Variants in ZSCAN25 observed in about 807,000 individuals in gnomAD.
ZSCAN25 encodes the protein zinc finger and SCAN domain-containing protein 25.
Under a neutral mutation model 38.7 loss-of-function variants are expected in ZSCAN25, and 27 were observed. That is an observed-to-expected ratio of 0.70 (90% CI 0.51 to 0.96). ZSCAN25 has a LOEUF of 0.96. Among genes scored for constraint, ZSCAN25 ranks in the 40% least tolerant of loss-of-function variants. The probability of loss-of-function intolerance (pLI) is 0.00; values close to 1 mark genes in which losing one functional copy is unlikely to be tolerated. For missense variants in ZSCAN25, 637 were observed against 705.9 expected (o/e 0.90, Z 1.11); for synonymous variants, 273 against 277.7 (o/e 0.98, Z 0.17).
At chr7:99,706,295 T>G in the ZSCAN25 span, among the ~76,000 whole-genome samples, 15 of 152,166 alleles carry the variant, frequency 9.9e-5, no homozygotes, top group Admixed American at 2.6e-4. Flanking sequence ...AAAATTGCCA[T>G]GGAGATCCAG....
chr7:99,649,914 G>A, the ZSCAN25 span, among the ~76,000 whole-genome samples: 5 of 152,172 alleles, frequency 3.3e-5, no homozygotes, highest in Middle Eastern at 3.2e-3. Context: ...AGGTTTTGAA[G>A]TCCAGAACTG....
At chr7:99,708,059 A>T in the ZSCAN25 span, 15 of 1,583,058 alleles carry the variant, frequency 9.5e-6, no homozygotes, top group South Asian at 1.7e-4. Context: ...CTTAGGGCCC[A>T]CCCCTCTACT....
At chr7:99,660,723 A>T in the ZSCAN25 span, 8 of 1,554,070 alleles carry the variant, frequency 5.1e-6, no homozygotes, top group African/African-American at 1.4e-5. Context: ...AGCTTAGATG[A>T]AATCTAAGTG....
the ZSCAN25 span, chr7:99,707,828 G>A: frequency 6.2e-7 from 1 of 1,613,848 alleles, no homozygotes; most frequent in South Asian, 1.1e-5. Context: ...TTCTTTACAA[G>A]GTTTGAAGGA....
chr7:99,652,670 T>G, the ZSCAN25 span: 3 of 1,614,156 alleles, frequency 1.9e-6, no homozygotes, highest in Non-Finnish European at 2.5e-6. Context: ...TTCAACATCT[T>G]TCTTGCAAGT....
At chr7:99,693,729 G>GT in the ZSCAN25 span, among the ~76,000 whole-genome samples, 2 of 152,224 alleles carry the variant, frequency 1.3e-5, no homozygotes, top group African/African-American at 4.8e-5. Context: ...GCACGGGAGG[G>GT]TATCTCCTGG....
chr7:99,699,350 A>T, the ZSCAN25 span, among the ~76,000 whole-genome samples: 6 of 152,058 alleles, frequency 3.9e-5, no homozygotes, highest in Admixed American at 6.5e-5. Flanking sequence ...GAGTCATAGG[A>T]GGGAGGGGAT....
At chr7:99,627,093 C>G (rs946153488) in intron 7 of ZSCAN25, among the ~76,000 whole-genome samples, 1 of 152,208 alleles carries the variant, frequency 6.6e-6, no homozygotes, top group Non-Finnish European at 1.5e-5. Flanking sequence ...TATCTACATT[C>G]ACCAATTGTT....
chr7:99,702,881 T>G, the ZSCAN25 span, among the ~76,000 whole-genome samples: 68 of 152,344 alleles, frequency 4.5e-4, no homozygotes, highest in African/African-American at 1.5e-3. Context: ...TATGTAAACA[T>G]GGAATATCCT....
In ZSCAN25 at chr7:99,624,129, A is replaced by T; in HGVS notation, c.754A>T (p.Ile252Leu). 1.2e-6 allele frequency: 2 copies of T among 1,614,080 alleles called. No homozygotes were observed. The highest frequency in any genetic ancestry group is 1.7e-6 in the Non-Finnish European group (2 of 1,180,012). Reference sequence around the variant, plus strand: ...GTGGAGGCATGTGACCCCAGCCCAGATAGACTGCTTTGGGGAGTATGTGGA... The same window carrying T: ...GTGGAGGCATGTGACCCCAGCCCAGTTAGACTGCTTTGGGGAGTATGTGGA... The part of the protein sequence containing the change: ...EEWRHVTPAQ[I>L]DCFGEYVEPQ... Residue 252 changes from isoleucine (I) to leucine (L), a missense_variant, in exon 7 of 8, where the codon ATA (isoleucine) becomes TTA (leucine). Transcript: ENST00000394152.
At chr7:99,657,130 G>C in the ZSCAN25 span, among the ~76,000 whole-genome samples, 1 of 152,042 alleles carries the variant, frequency 6.6e-6, no homozygotes, top group African/African-American at 2.4e-5. Context: ...GCTATCTTTT[G>C]AATGTGTTTG....
At chr7:99,683,886 A>C in the ZSCAN25 span, among the ~76,000 whole-genome samples, 713 of 152,252 alleles carry the variant, frequency 4.7e-3, 4 homozygotes, top group African/African-American at 0.016. Flanking sequence ...CTTTAGGATA[A>C]GTTACTCAGG....
Position 99,624,079 on chromosome 7 carries a change from T to G in ZSCAN25, c.704T>G (p.Met235Arg), listed in dbSNP as rs139037011. The G allele has an allele frequency of 6.7e-5, 108 of 1,614,056 alleles. No homozygotes were observed. The highest frequency in any genetic ancestry group is 8.6e-5 in the Non-Finnish European group (101 of 1,180,046). The change falls in exon 7 of 8, where the codon ATG (methionine) becomes AGG (arginine). Residue 235 changes from methionine to arginine, a missense_variant. Coordinates refer to ENST00000394152, the MANE Select transcript of ZSCAN25 (RefSeq NM_145115.3). ...GSQGLGPFKDMALAFPEEEWR... is the reference protein window; with the variant it reads ...GSQGLGPFKDRALAFPEEEWR... ...CAGGGGTTGGGGCCATTTAAAGATA[T>G]GGCCCTGGCCTTCCCTGAGGAGGAG...
the ZSCAN25 span, among the ~76,000 whole-genome samples, chr7:99,708,851 G>A: frequency 6.6e-6 from 1 of 152,174 alleles, no homozygotes; most frequent in East Asian, 1.9e-4. Context: ...ACTGGCTATA[G>A]TTTTCTTTTA....
At chr7:99,685,220 G>A in the ZSCAN25 span, 21 of 1,613,538 alleles carry the variant, frequency 1.3e-5, no homozygotes, top group Middle Eastern at 1.7e-4. Context: ...CCTCCTAAGC[G>A]TAATTTCAGC....
the ZSCAN25 span, among the ~76,000 whole-genome samples, chr7:99,722,786 G>A: frequency 3.3e-5 from 5 of 152,128 alleles, no homozygotes; most frequent in African/African-American, 1.2e-4. Context: ...TTTATTTCAT[G>A]AGCTCACTCT....
downstream of ZSCAN25, among the ~76,000 whole-genome samples, chr7:99,633,282 CATT>C (rs1808131161): frequency 6.6e-6 from 1 of 152,178 alleles, no homozygotes; most frequent in Admixed American, 6.5e-5. Flanking sequence ...GGCAAGAACA[CATT>C]ATAGATTGTG....
the ZSCAN25 span, among the ~76,000 whole-genome samples, chr7:99,723,171 C>T: frequency 3.3e-5 from 5 of 152,272 alleles, no homozygotes; most frequent in African/African-American, 1.2e-4. Flanking sequence ...TAGCCCAAGC[C>T]TGCATGGGTA....
intron 6 of ZSCAN25, among the ~76,000 whole-genome samples, chr7:99,623,206 G>T (rs1490060979): frequency 1.3e-5 from 2 of 152,158 alleles, no homozygotes; most frequent in African/African-American, 4.8e-5. Flanking sequence ...CCGTTTATGG[G>T]TACTTCTGCT....
Sources: gnomAD v4.1 joint callset for allele counts (sites outside exome capture counted in the v4.1 genomes callset) on GRCh38, gnomAD v4.1.1 for gene constraint, MANE v1.5 for transcripts, NCBI Gene and HGNC (gene_info 2026-07-23, HGNC 2026-07-21) for gene names.